Variants in PCGF3 observed in about 807,000 individuals in gnomAD.
The protein encoded by PCGF3 is polycomb group RING finger protein 3.
PCGF3 carries 7 observed loss-of-function variants against 33.1 expected under a neutral mutation model. The observed-to-expected ratio is 0.21, with a 90% CI of 0.12 to 0.40. The LOEUF (loss-of-function observed/expected upper bound fraction) is 0.40. PCGF3 is among the 10% of genes least tolerant of loss of function. PCGF3 has a pLI of 1.00. For missense variants in PCGF3, 211 were observed against 313.3 expected (o/e 0.67, Z 2.46); for synonymous variants, 153 against 121.3 (o/e 1.26, Z -1.72).
At chr4:733,128 C>G (rs1024034715) in intron 3 of PCGF3, among the ~76,000 whole-genome samples, 7 of 146,738 alleles carry the variant, frequency 4.8e-5, no homozygotes, top group Admixed American at 1.4e-4. Flanking sequence ...CTCTGGGAGA[C>G]ACAGCCTCAG....
intron 1 of PCGF3, among the ~76,000 whole-genome samples, chr4:718,941 CT>C (rs926764393): frequency 6.6e-6 from 1 of 151,980 alleles, no homozygotes; most frequent in South Asian, 2.1e-4. Flanking sequence ...TTTTCATTTT[CT>C]TTTTTTTCTT....
At chr4:766,293 ATCGTCC>A (rs1745370485) in exon 11 of PCGF3, 1 of 520,450 alleles carries the variant, frequency 1.9e-6, no homozygotes, top group Non-Finnish European at 3.4e-6. Context: ...CCCAGAGCCG[ATCGTCC>A]TCTCCCCCGC....
rs182176148 is a variant in PCGF3 at position 715,214 on chromosome 4, T to G, written c.-190+9244T>G. 1.4e-4 allele frequency among the ~76,000 whole-genome samples: 7 copies of G among 51,360 alleles called. 1 individual carries two copies. Among genetic ancestry groups the G allele is most frequent in the South Asian group, 1.0e-3 (1 of 980 alleles). The allele number at this position is 51,360 out of a possible 152,430, so 33.7% of individuals were successfully genotyped here. On this transcript the variant is annotated intron_variant, in intron 1 of 10. Coordinates refer to ENST00000362003, the Ensembl canonical transcript of PCGF3. ...CACTGCGAGTGTGAGAACTGGGTGT[T>G]GGTGCTGGGACCCTGTAGACACTGA...
At chr4:760,666 T>C (rs1745001939) in intron 8 of PCGF3, among the ~76,000 whole-genome samples, 1 of 152,234 alleles carries the variant, frequency 6.6e-6, no homozygotes, top group Non-Finnish European at 1.5e-5. Flanking sequence ...CGCCCTTCCT[T>C]GTCAGGCACA....
At chr4:739,656 G>A (rs1446033520) in intron 6 of PCGF3, among the ~76,000 whole-genome samples, 1 of 152,214 alleles carries the variant, frequency 6.6e-6, no homozygotes, top group East Asian at 1.9e-4. Flanking sequence ...ATCCATCAGG[G>A]CAGGTGTCGT....
intron 8 of PCGF3, among the ~76,000 whole-genome samples, chr4:752,683 A>G (rs904690857): frequency 4.6e-5 from 7 of 152,118 alleles, no homozygotes; most frequent in Non-Finnish European, 8.8e-5. Context: ...GGGGCTCTAC[A>G]TGGACTTCGA....
At chr4:732,143 C>A (rs1490277021) in intron 3 of PCGF3, among the ~76,000 whole-genome samples, 3 of 108,382 alleles carry the variant, frequency 2.8e-5, no homozygotes, top group East Asian at 3.0e-4. Flanking sequence ...TAGGGCGGGG[C>A]TCCCCTCCCC....
At chr4:726,694 G>C (rs1411613455) in intron 1 of PCGF3, among the ~76,000 whole-genome samples, 43 of 152,172 alleles carry the variant, frequency 2.8e-4, no homozygotes, top group Non-Finnish European at 4.4e-5. Context: ...TTATTTTTGG[G>C]GTGGGATGGT....
chr4:726,292 C>T (rs1743329791), intron 1 of PCGF3, among the ~76,000 whole-genome samples: 1 of 152,234 alleles, frequency 6.6e-6, no homozygotes, highest in Non-Finnish European at 1.5e-5. Flanking sequence ...GTGGGGCTGG[C>T]AAACCCTGTG....
exon 11 of PCGF3, chr4:768,597 G>A (rs1446427720): frequency 4.6e-5 from 7 of 152,040 alleles, no homozygotes; most frequent in Admixed American, 1.3e-4. Flanking sequence ...CTAATTACCC[G>A]GAATACGGTC....
At chr4:723,126 C>T (rs1029636702) in intron 1 of PCGF3, among the ~76,000 whole-genome samples, 1 of 144,810 alleles carries the variant, frequency 6.9e-6, no homozygotes, top group Non-Finnish European at 1.5e-5. Flanking sequence ...CCGTCCGTGC[C>T]GGGTCCACAC....
At chr4:767,236 A>AGTTG (rs1217570834) in exon 11 of PCGF3, 1 of 152,122 alleles carries the variant, frequency 6.6e-6, no homozygotes, top group Non-Finnish European at 1.5e-5. Flanking sequence ...TTTCAGCCTC[A>AGTTG]GTTGGTTGCA....
intron 8 of PCGF3, among the ~76,000 whole-genome samples, chr4:753,578 G>C (rs1744624508): frequency 6.6e-6 from 1 of 151,806 alleles, no homozygotes; most frequent in African/African-American, 2.4e-5. Context: ...GGGAGGCAGA[G>C]CTTGCAGTGA....
At chr4:766,066 T>A in exon 11 of PCGF3, 2 of 1,614,156 alleles carry the variant, frequency 1.2e-6, no homozygotes, top group Non-Finnish European at 8.5e-7. Flanking sequence ...AGACCCAAGA[T>A]GGACTTGCTG....
At chr4:762,149 G>C (rs555452340) in intron 9 of PCGF3, 2 of 912,900 alleles carry the variant, frequency 2.2e-6, no homozygotes, top group South Asian at 1.0e-4. Flanking sequence ...CTAACCCCCA[G>C]AGCCTGCAAA....
At chr4:743,136 C>T (rs1164079041) in intron 6 of PCGF3, among the ~76,000 whole-genome samples, 1 of 152,194 alleles carries the variant, frequency 6.6e-6, no homozygotes, top group South Asian at 2.1e-4. Context: ...CCCCTGGTGA[C>T]GGGTGGTTCT....
At chr4:761,693 C>T (rs1745068151) in intron 9 of PCGF3, 6 of 985,268 alleles carry the variant, frequency 6.1e-6, no homozygotes, top group Admixed American at 6.2e-5. Context: ...TAAAGGTTTT[C>T]CTCAAAACGA....
intron 4 of PCGF3, chr4:734,243 T>C (rs1466352577): frequency 6.7e-7 from 1 of 1,492,896 alleles, no homozygotes; most frequent in East Asian, 2.5e-5. Context: ...TTTTTCTAAG[T>C]GTGGCTACCG....
At chr4:761,769 G>T in intron 9 of PCGF3, 2 of 985,432 alleles carry the variant, frequency 2.0e-6, no homozygotes, top group Non-Finnish European at 2.4e-6. Flanking sequence ...GACCCTTCCA[G>T]GCTGTGGTGT....
Sources: allele counts gnomAD v4.1 joint callset (sites outside exome capture counted in the v4.1 genomes callset), GRCh38; gene constraint gnomAD v4.1.1; transcripts MANE v1.5; gene names NCBI Gene and HGNC (gene_info 2026-07-23, HGNC 2026-07-21).